HRH1: variants seen among roughly 807,000 people sequenced by gnomAD.
The protein encoded by HRH1 is histamine receptor H1.
Under a neutral mutation model 10.3 loss-of-function variants are expected in HRH1, and 6 were observed. The ratio of observed to expected loss-of-function variants is 0.58; its 90% CI spans 0.32 to 1.15. HRH1 has a LOEUF of 1.15. HRH1 is among the 50% of genes most tolerant of loss of function. HRH1 has a pLI of 0.05. For missense variants in HRH1, 514 were observed against 615.3 expected, an observed-to-expected ratio of 0.84 and a Z score of 1.74; for synonymous variants, 242 against 236.7, an observed-to-expected ratio of 1.02 and a Z score of -0.21.
chr3:11,183,661 C>T (rs1937398708), intron 1 of HRH1, among the ~76,000 whole-genome samples: 2 of 152,032 alleles, frequency 1.3e-5, no homozygotes, highest in African/African-American at 4.8e-5. Context: ...GACCTTCTTT[C>T]CTTGATTTCC....
At chr3:11,200,968 C>T (rs1937881483) in intron 1 of HRH1, among the ~76,000 whole-genome samples, 1 of 152,158 alleles carries the variant, frequency 6.6e-6, no homozygotes, top group Admixed American at 6.5e-5. Context: ...TGCTGAGGGT[C>T]TAGAGTAGAA....
At chr3:11,223,337 C>CA (rs11323741) in intron 1 of HRH1, among the ~76,000 whole-genome samples, 38 of 145,828 alleles carry the variant, frequency 2.6e-4, no homozygotes, top group East Asian at 4.1e-4. Context: ...ACTAAAAATA[C>CA]AAAAAAAAAA....
At chr3:11,180,948 TACACACAC>T (rs71055851) in intron 1 of HRH1, among the ~76,000 whole-genome samples, 8,113 of 121,028 alleles carry the variant, frequency 0.067, 336 homozygotes, top group African/African-American at 0.12. Context: ...CTCTCAGGCA[TACACACAC>T]ACACACACAC....
At chr3:11,203,439 G>A (rs575044809) in intron 1 of HRH1, among the ~76,000 whole-genome samples, 81 of 152,258 alleles carry the variant, frequency 5.3e-4, no homozygotes, top group African/African-American at 1.9e-3. Flanking sequence ...GCCAACCCAA[G>A]GTCATCCAGG....
At chr3:11,200,475 C>A (rs1937862715) in intron 1 of HRH1, among the ~76,000 whole-genome samples, 1 of 152,146 alleles carries the variant, frequency 6.6e-6, no homozygotes, top group Non-Finnish European at 1.5e-5. Context: ...CCTTTGTGCA[C>A]AGCTTGGATG....
intron 1 of HRH1, among the ~76,000 whole-genome samples, chr3:11,179,149 G>T (rs565981165): frequency 6.6e-6 from 1 of 152,088 alleles, no homozygotes; most frequent in Non-Finnish European, 1.5e-5. Context: ...TTAGCTGGGC[G>T]TGGTGGCGCA....
intron 1 of HRH1, among the ~76,000 whole-genome samples, chr3:11,242,949 C>G (rs1471367994): frequency 6.6e-6 from 1 of 151,696 alleles, no homozygotes; most frequent in African/African-American, 2.4e-5. Flanking sequence ...GAGTCTTGCT[C>G]TGTCACCAGG....
At chr3:11,150,357 A>G (rs879752685), upstream of HRH1, among the ~76,000 whole-genome samples, 1 of 152,260 alleles carries the variant, frequency 6.6e-6, no homozygotes, top group Admixed American at 6.5e-5. Flanking sequence ...AAATCAAGAG[A>G]AGGGCCATCC....
chr3:11,159,114 G>T (rs933445637), intron 1 of HRH1, among the ~76,000 whole-genome samples: 1 of 152,190 alleles, frequency 6.6e-6, no homozygotes, highest in Non-Finnish European at 1.5e-5. Flanking sequence ...CAGGCATGGT[G>T]GTGCATGCCT....
At chr3:11,222,897 G>A (rs1490102218) in intron 1 of HRH1, among the ~76,000 whole-genome samples, 1 of 152,104 alleles carries the variant, frequency 6.6e-6, no homozygotes, top group African/African-American at 2.4e-5. Flanking sequence ...TTAAAATGCA[G>A]ACGCTCCAGC....
At chr3:11,139,404 C>T (rs1030235586) in intron 1 of HRH1, among the ~76,000 whole-genome samples, 32 of 152,158 alleles carry the variant, frequency 2.1e-4, no homozygotes, top group Middle Eastern at 3.4e-3. Context: ...CTCAGCTTCC[C>T]GAGTAGCTGG....
chr3:11,173,049 C>T (rs1464553423), intron 1 of HRH1, among the ~76,000 whole-genome samples: 3 of 152,094 alleles, frequency 2.0e-5, no homozygotes, highest in African/African-American at 4.8e-5. Flanking sequence ...CCCAAAGTCC[C>T]TCTGTGGGGC....
chr3:11,228,630 T>C (rs1374429053), intron 1 of HRH1, among the ~76,000 whole-genome samples: 1 of 151,282 alleles, frequency 6.6e-6, no homozygotes, highest in Non-Finnish European at 1.5e-5. Context: ...CTGTAGAATA[T>C]AGTGGGCCGA....
chr3:11,142,729 A>T (rs1268580998), intron 1 of HRH1, among the ~76,000 whole-genome samples: 3 of 152,178 alleles, frequency 2.0e-5, no homozygotes, highest in African/African-American at 7.2e-5. Context: ...CTTGGCCAAC[A>T]CAGTGAAACC....
At chr3:11,164,136 G>A (rs893736807) in intron 1 of HRH1, among the ~76,000 whole-genome samples, 1 of 152,238 alleles carries the variant, frequency 6.6e-6, no homozygotes, top group South Asian at 2.1e-4. Flanking sequence ...CATGGAGGGA[G>A]AACAGCCAGG....
At chr3:11,144,005 A>G (rs1403466523) in intron 1 of HRH1, among the ~76,000 whole-genome samples, 1 of 152,212 alleles carries the variant, frequency 6.6e-6, no homozygotes, top group African/African-American at 2.4e-5. Context: ...ATGAGATGTC[A>G]TCTTACACCA....
chr3:11,261,427 G>C lies in HRH1; in HGVS notation c.*926G>C, dbSNP rs959807477. ...TCTAGTTTGCAGAGGAGCAAATTGA[G>C]GTTCAGCAAGGTGAGAGAGGTACCC... On this transcript the variant is annotated 3_prime_UTR_variant, in exon 2 of 2. Transcript: ENST00000431010. 2 of 167,118 alleles carry C rather than the reference G, an allele frequency of 1.2e-5. No homozygotes were observed. Among genetic ancestry groups the C allele is most frequent in the Non-Finnish European group, 2.9e-5 (2 of 68,126 alleles). The allele number at this position is 167,118 out of a possible 1,614,324, so 10.4% of individuals were successfully genotyped here.
intron 1 of HRH1, among the ~76,000 whole-genome samples, chr3:11,183,683 T>C (rs1937399065): frequency 6.6e-6 from 1 of 151,992 alleles, no homozygotes; most frequent in Non-Finnish European, 1.5e-5. Context: ...GGGCATCTTT[T>C]TGTGCCGTTT....
chr3:11,148,320 C>G lies in HRH1; in HGVS notation c.-36+10921C>G, dbSNP rs140739725. On this transcript the variant is annotated intron_variant, in intron 1 of 1. Transcript: ENST00000438284. ...AGATATTCACTCCTCCCTACCTTCA[C>G]CACTGTTCCCATAGCATTTTATTTT... Among the ~76,000 whole-genome samples, 93 of 152,308 alleles carry G rather than the reference C, an allele frequency of 6.1e-4. 2 individuals carry two copies. In the East Asian group the frequency reaches 9.4e-3, roughly 15 times the overall value.
Sources: gnomAD v4.1 joint callset for allele counts (sites outside exome capture counted in the v4.1 genomes callset) on GRCh38, gnomAD v4.1.1 for gene constraint, MANE v1.5 for transcripts, NCBI Gene and HGNC (gene_info 2026-07-23, HGNC 2026-07-21) for gene names.